The following DNAJB5 variants were observed in gnomAD, a reference collection of about 807,000 sequenced individuals.
DNAJB5 encodes dnaJ homolog subfamily B member 5.
Under a neutral mutation model 32.6 loss-of-function variants are expected in DNAJB5, and 12 were observed. The ratio of observed to expected loss-of-function variants is 0.37; its 90% CI spans 0.24 to 0.60. The LOEUF (loss-of-function observed/expected upper bound fraction) is 0.60, where lower values mean the gene tolerates loss of function less well. Ranked by LOEUF, DNAJB5 falls within the 20% of genes least tolerant of loss-of-function variation. DNAJB5 has a pLI of 0.71. For synonymous variants in DNAJB5, 188 were observed against 212.9 expected, an observed-to-expected ratio of 0.88 and a Z score of 1.02; for missense variants, 358 against 554.2, an observed-to-expected ratio of 0.65 and a Z score of 3.55.
rs1827565097 is a variant in DNAJB5, at chr9:34,989,758, G to T, written c.-206G>T. 1 of 1,231,356 alleles carries T rather than the reference G, an allele frequency of 8.1e-7. No homozygotes were observed. 76.3% of individuals were successfully genotyped at this position (1,231,356 alleles called of 1,614,324 possible). On this transcript the variant is annotated 5_prime_UTR_variant, in exon 1 of 5. Coordinates refer to ENST00000682809, the MANE Select transcript of DNAJB5 (RefSeq NM_001349723.3). ...CAGGCGACTCCTGTCCCGGGTGGAG[G>T]CGGCGGAGCCGGAGCCGGGGGAGGG...
At position 34,990,203 on chromosome 9, in the gene DNAJB5, G is replaced by A. The variant is rs950248817; in HGVS notation, c.-132-296G>A. ...GCGCCTTTTGTCCCGGCCGAGCTCC[G>A]CTCTGCCCCGCCCATCTGCGAGGGA... On this transcript the variant is annotated intron_variant, in intron 1 of 4. Coordinates refer to ENST00000682809, the MANE Select transcript of DNAJB5 (RefSeq NM_001349723.3). This position sits in a 1 kb window ranked among gnomAD's most constrained non-coding sequence, Gnocchi z 4.5. 1.6e-5 allele frequency: 20 copies of A among 1,230,472 alleles called. No homozygotes were observed. Among genetic ancestry groups the A allele is most frequent in the Middle Eastern group, 3.3e-4 (1 of 3,056 alleles). The allele number at this position is 1,230,472 out of a possible 1,614,324, so 76.2% of individuals were successfully genotyped here. A position where few individuals can be genotyped will look rare whatever the true frequency, so the allele number is the denominator to read the frequency against.
In DNAJB5 at chr9:34,989,765, AGCCGGAG is replaced by A; in HGVS notation, c.-198_-192del. On this transcript the variant is annotated 5_prime_UTR_variant, in exon 1 of 5. Coordinates refer to ENST00000682809, the MANE Select transcript of DNAJB5 (RefSeq NM_001349723.3). ...CTCCTGTCCCGGGTGGAGGCGGCGG[AGCCGGAG>A]CCGGGGGAGGGGGCAGCGGCTGTCT... 1 of 1,231,148 alleles carries A rather than the reference AGCCGGAG, an allele frequency of 8.1e-7. No individual in the cohort carries two copies. Among genetic ancestry groups the A allele is most frequent in the Non-Finnish European group, 1.0e-6 (1 of 987,568 alleles). 76.3% of individuals were successfully genotyped at this position (1,231,148 alleles called of 1,614,324 possible). A position where few individuals can be genotyped will look rare whatever the true frequency, so the allele number is the denominator to read the frequency against.
rs756893350 is a variant in DNAJB5, at chr9:34,997,286, A to G, written c.*27A>G. On this transcript the variant is annotated 3_prime_UTR_variant, in exon 5 of 5. Transcript: ENST00000682809. The surrounding 1 kb of genome is among the most constrained non-coding windows in gnomAD (Gnocchi z 4.1). ...CTCTGCCCCAGCCAGTCCAGAGCCT[A>G]CCACAGCAATACCCCCAACACTCAC... 17 of 1,605,108 alleles carry G rather than the reference A, an allele frequency of 1.1e-5. No individual in the cohort carries two copies. The highest frequency in any genetic ancestry group is 6.7e-5 in the East Asian group (3 of 44,848).
At position 34,997,571 on chromosome 9, in the gene DNAJB5, C is replaced by T. The variant is rs983437198; in HGVS notation, c.*312C>T. 2.0e-6 allele frequency: 1 copy of T among 489,736 alleles called. No homozygotes were observed. The highest frequency in any genetic ancestry group is 3.8e-6 in the Non-Finnish European group (1 of 263,812). 30.3% of individuals were successfully genotyped at this position (489,736 alleles called of 1,614,324 possible). ...TGCTACTTGAAGATATGTAGAGATT[C>T]CTTATCCATGCCTGTACATAGCATG... On this transcript the variant is annotated 3_prime_UTR_variant, in exon 5 of 5. Transcript: ENST00000682809. This position sits in a 1 kb window ranked among gnomAD's most constrained non-coding sequence, Gnocchi z 4.1.
Position 34,996,391 on chromosome 9 carries a change from C to T in DNAJB5, c.554C>T (p.Ala185Val). The T allele has an allele frequency of 1.2e-6, 2 of 1,614,188 alleles. No homozygotes were observed. The highest frequency in any genetic ancestry group is 1.7e-6 in the Non-Finnish European group (2 of 1,180,020). The change falls in exon 4 of 5, where the codon GCC becomes GTC. Residue 185 changes from alanine to valine, a missense_variant. Physicochemically the swap from Ala to Val is moderately conservative, Grantham distance 64. This residue lies in a region of DNAJB5 where 248 missense variants were observed against 442.6 expected (regional missense o/e 0.56). Transcript: ENST00000682809. The surrounding 1 kb of genome is among the most constrained non-coding windows in gnomAD (Gnocchi z 7.2). ...TCCAACCCCTTCGATATCTTCTTTGCCAGCAGCCGCTCCACTCGGCCCTTC... is the reference window on the plus strand; with the variant it reads ...TCCAACCCCTTCGATATCTTCTTTGTCAGCAGCCGCTCCACTCGGCCCTTC... Reference protein sequence around the residue: ...GGSNPFDIFFASSRSTRPFSG... With the variant: ...GGSNPFDIFFVSSRSTRPFSG...
At chr9:34,991,875 G>C (rs1216717279) in intron 2 of DNAJB5, 2 of 179,516 alleles carry the variant, frequency 1.1e-5, no homozygotes, top group East Asian at 3.2e-4. Flanking sequence ...GCAGCAGTGA[G>C]GGCCATTGTC....
chr9:34,993,587 G>C lies in DNAJB5; in HGVS notation c.427+143G>C, dbSNP rs2132979072. 8.7e-7 allele frequency: 1 copy of C among 1,153,732 alleles called. No individual in the cohort carries two copies. The highest frequency in any genetic ancestry group is 1.6e-5 in the African/African-American group (1 of 64,210). 71.5% of individuals were successfully genotyped at this position (1,153,732 alleles called of 1,614,324 possible). On this transcript the variant is annotated intron_variant, in intron 3 of 4. Transcript: ENST00000682809. The surrounding 1 kb of genome is among the most constrained non-coding windows in gnomAD (Gnocchi z 4.7). The stretch of plus-strand genomic sequence containing the variant: ...TTCCAGCACTGTCACCCAGAGAAGA[G>C]AGAAGCCCACCCACTACCCAGCTCA...
At chr9:34,991,252 C>A in intron 2 of DNAJB5, 1 of 455,288 alleles carries the variant, frequency 2.2e-6, no homozygotes, top group Non-Finnish European at 4.4e-6. Flanking sequence ...CCATCAAAGG[C>A]AGTGCCATGC....
chr9:34,996,713 G>A lies in DNAJB5; in HGVS notation c.876G>A (p.Lys292=). 6.2e-7 allele frequency: 1 copy of A among 1,614,184 alleles called. No individual in the cohort carries two copies. Among genetic ancestry groups the A allele is most frequent in the Non-Finnish European group, 8.5e-7 (1 of 1,180,034 alleles). The change falls in exon 4 of 5, where the codon AAG becomes AAA. Residue 292 remains lysine (K), a synonymous_variant. Transcript: ENST00000682809. The surrounding 1 kb of genome is among the most constrained non-coding windows in gnomAD (Gnocchi z 7.2). ...ACATAGTCATCAAGCGTGGCTGGAA[G>A]GAAGGCACCAAGATCACCTTCCCCA... ...ILHIVIKRGW[K]EGTKITFPKE... is the part of the protein sequence containing the mutation.
Position 34,997,773 on chromosome 9 carries a change from G to A in DNAJB5, c.*514G>A. 2 of 231,856 alleles carry A rather than the reference G, an allele frequency of 8.6e-6. No individual in the cohort carries two copies. Among genetic ancestry groups the A allele is most frequent in the Middle Eastern group, 1.7e-3 (1 of 594 alleles). The allele number at this position is 231,856 out of a possible 1,614,324, so 14.4% of individuals were successfully genotyped here. ...AAGAAGCACTCACCTAGAGCTGTCT[G>A]TGCCTCTCTGGGAGAAAGGAGAGAG... On this transcript the variant is annotated 3_prime_UTR_variant, in exon 5 of 5. Coordinates refer to ENST00000682809, the MANE Select transcript of DNAJB5 (RefSeq NM_001349723.3). This position sits in a 1 kb window ranked among gnomAD's most constrained non-coding sequence, Gnocchi z 4.1.
intron 3 of DNAJB5, among the ~76,000 whole-genome samples, chr9:34,994,371 T>G (rs1312632499): frequency 6.6e-6 from 1 of 152,184 alleles, no homozygotes; most frequent in Non-Finnish European, 1.5e-5. Flanking sequence ...GGCCTTGTGT[T>G]CCATGCCCCT....
intron 2 of DNAJB5, chr9:34,991,043 A>C: frequency 1.8e-6 from 1 of 570,068 alleles, no homozygotes; most frequent in African/African-American, 1.9e-5. Flanking sequence ...CATTATTTCA[A>C]CTCTCCACAT....
chr9:34,992,957 C>T, intron 2 of DNAJB5: 1 of 1,356,260 alleles, frequency 7.4e-7, no homozygotes, highest in South Asian at 1.6e-5. Flanking sequence ...GGGCCACAAC[C>T]TTCAGCTTCC....
At chr9:34,994,904 CTG>C (rs1320018001) in intron 3 of DNAJB5, among the ~76,000 whole-genome samples, 2 of 152,140 alleles carry the variant, frequency 1.3e-5, no homozygotes, top group African/African-American at 4.8e-5. Context: ...CACACAGACT[CTG>C]TGTGCAGCTC....
intron 2 of DNAJB5, chr9:34,992,610 G>A (rs537984498): frequency 3.5e-5 from 6 of 173,158 alleles, no homozygotes; most frequent in East Asian, 3.8e-4. Context: ...GCTTAGCATC[G>A]TCAGAGGGGT....
At position 34,993,113 on chromosome 9, in the gene DNAJB5, G is replaced by C; in HGVS notation, c.183-87G>C. The C allele has an allele frequency of 6.7e-7, 1 of 1,487,916 alleles. No homozygotes were observed. 92.2% of individuals were successfully genotyped at this position (1,487,916 alleles called of 1,614,324 possible). On this transcript the variant is annotated intron_variant, in intron 2 of 4. Transcript: ENST00000682809. The surrounding 1 kb of genome is among the most constrained non-coding windows in gnomAD (Gnocchi z 4.7). ...GGCATGACCTGCTGAAGGTTACCCA[G>C]GGAGTCATTTAGGGATTGCAAGATC... is the stretch of plus-strand genomic sequence containing the variant.
chr9:34,993,015 T>G lies in DNAJB5; in HGVS notation c.183-185T>G. ...AGGACGGAATCACAGAATTCTAGAA[T>G]GTCAGAGCCAGAAGAGATCATCTAG... On this transcript the variant is annotated intron_variant, in intron 2 of 4. Transcript: ENST00000682809. The surrounding 1 kb of genome is among the most constrained non-coding windows in gnomAD (Gnocchi z 4.7). The G allele has an allele frequency of 7.0e-7, 1 of 1,420,806 alleles. No individual in the cohort carries two copies. Among genetic ancestry groups the G allele is most frequent in the South Asian group, 1.6e-5 (1 of 63,686 alleles). The allele number at this position is 1,420,806 out of a possible 1,614,324, so 88.0% of individuals were successfully genotyped here.
intron 3 of DNAJB5, among the ~76,000 whole-genome samples, chr9:34,994,364 C>T (rs1827735898): frequency 2.0e-5 from 3 of 152,164 alleles, no homozygotes; most frequent in Admixed American, 2.0e-4. Flanking sequence ...TCCTCCTGGC[C>T]TTGTGTTCCA....
rs1283655332 is a variant in DNAJB5, at chr9:34,996,959, G to A, written c.1030-67G>A. The A allele has an allele frequency of 1.3e-6, 2 of 1,597,158 alleles. No individual in the cohort carries two copies. Among genetic ancestry groups the A allele is most frequent in the African/African-American group, 2.7e-5 (2 of 74,816 alleles). ...GCTGGCACATTCTTTCCCCACCTCAGTCTATTTCCTTCCTTCCCACTCACC... is the reference window on the plus strand; with the variant it reads ...GCTGGCACATTCTTTCCCCACCTCAATCTATTTCCTTCCTTCCCACTCACC... On this transcript the variant is annotated intron_variant, in intron 4 of 4. Transcript: ENST00000682809. This position sits in a 1 kb window ranked among gnomAD's most constrained non-coding sequence, Gnocchi z 7.2.
Sources: allele counts gnomAD v4.1 joint callset (sites outside exome capture counted in the v4.1 genomes callset), GRCh38; gene constraint gnomAD v4.1.1; regional missense constraint gnomAD v4.1.1; non-coding constraint Gnocchi (gnomAD v3.1); transcripts MANE v1.5; gene names NCBI Gene and HGNC (gene_info 2026-07-23, HGNC 2026-07-21).